Variants in CACNA1B observed in about 807,000 individuals in gnomAD.
CACNA1B encodes the protein voltage-dependent N-type calcium channel subunit alpha-1B.
CACNA1B carries 70 observed loss-of-function variants against 247.2 expected under a neutral mutation model. The ratio of observed to expected loss-of-function variants is 0.28; its 90% CI spans 0.23 to 0.35. CACNA1B has a LOEUF of 0.35. Among genes scored for constraint, CACNA1B ranks in the 10% least tolerant of loss-of-function variants. The pLI, the probability that CACNA1B is intolerant of heterozygous loss-of-function variation, is 1.00. For missense variants in CACNA1B, 2,367 were observed against 3,197.4 expected (o/e 0.74, Z 6.26); for synonymous variants, 1,231 against 1,294.4 (o/e 0.95, Z 1.05).
At chr9:137,932,100 A>G (rs993991215) in intron 6 of CACNA1B, among the ~76,000 whole-genome samples, 5 of 152,208 alleles carry the variant, frequency 3.3e-5, no homozygotes, top group African/African-American at 2.4e-5. Context: ...TCAATTCTGT[A>G]AAGTGACTGC....
At chr9:137,936,975 G>C (rs930184378) in intron 6 of CACNA1B, among the ~76,000 whole-genome samples, 3 of 152,078 alleles carry the variant, frequency 2.0e-5, no homozygotes. Context: ...TCTTTTTTTG[G>C]TTCCATATGA....
rs1308042230 is a variant in CACNA1B at position 137,881,369 on chromosome 9, G to T, written c.391-1375G>T. Among the ~76,000 whole-genome samples the T allele has an allele frequency of 6.6e-6, 1 of 152,158 alleles. No individual in the cohort carries two copies. Among genetic ancestry groups the T allele is most frequent in the African/African-American group, 2.4e-5 (1 of 41,446 alleles). On this transcript the variant is annotated intron_variant, in intron 2 of 46. Transcript: ENST00000371372. This position sits in a 1 kb window ranked among gnomAD's most constrained non-coding sequence, Gnocchi z 4.3. Reference sequence around the variant, plus strand: ...ACAGGAGGAGCCCAGGCTGAGTAAGGTGGGAGTCAGATGCGGAGAGCCCTC... The same window carrying T: ...ACAGGAGGAGCCCAGGCTGAGTAAGTTGGGAGTCAGATGCGGAGAGCCCTC...
At chr9:138,075,973 A>G (rs568073434) in intron 35 of CACNA1B, 63 bp downstream of exon 35, 19 of 1,102,470 alleles carry the variant, frequency 1.7e-5, no homozygotes, top group South Asian at 2.7e-5. Flanking sequence ...TTTACTCAGG[A>G]TGAAGAAGGC....
At chr9:137,930,436 C>T (rs1957595664) in intron 6 of CACNA1B, among the ~76,000 whole-genome samples, 1 of 152,110 alleles carries the variant, frequency 6.6e-6, no homozygotes, top group Non-Finnish European at 1.5e-5. Flanking sequence ...TAGTTTGATT[C>T]TATTGTGGTG....
intron 40 of CACNA1B, 60 bp from the exon 41 acceptor site, chr9:138,114,318 C>T: frequency 2.3e-6 from 2 of 853,028 alleles, no homozygotes; most frequent in South Asian, 1.5e-5. Flanking sequence ...ACTTCCATAC[C>T]TTGTTTCCGT....
chr9:137,892,834 C>A (rs746812802), intron 3 of CACNA1B, among the ~76,000 whole-genome samples: 1 of 152,236 alleles, frequency 6.6e-6, no homozygotes, highest in Admixed American at 6.5e-5. Flanking sequence ...GGGTGGAATT[C>A]GACACTGCAG....
chr9:138,073,615 CG>C lies in CACNA1B; in HGVS notation c.4791+17del. 6 of 1,440,184 alleles carry C rather than the reference CG, an allele frequency of 4.2e-6. No individual in the cohort carries two copies. The highest frequency in any genetic ancestry group is 5.9e-6 in the Non-Finnish European group (6 of 1,021,488). 89.2% of individuals were successfully genotyped at this position (1,440,184 alleles called of 1,614,324 possible). ...GTCCAGTCCTTCAAGGTGGGCCAGG[CG>C]GGGGGCCTCCATGCTTTCTGTCCCC... On this transcript the variant is annotated intron_variant, in intron 33 of 46. Coordinates refer to ENST00000371372, the MANE Select transcript of CACNA1B (RefSeq NM_000718.4). This position sits in a 1 kb window ranked among gnomAD's most constrained non-coding sequence, Gnocchi z 6.4.
At chr9:138,086,704 T>C (rs1240699413) in intron 36 of CACNA1B, among the ~76,000 whole-genome samples, 1 of 151,346 alleles carries the variant, frequency 6.6e-6, no homozygotes, top group African/African-American at 2.4e-5. Flanking sequence ...TCCAGCACAG[T>C]GTCATTTGCG....
intron 10 of CACNA1B, among the ~76,000 whole-genome samples, chr9:137,966,816 G>A (rs1023073190): frequency 5.9e-5 from 9 of 152,174 alleles, no homozygotes; most frequent in African/African-American, 2.2e-4. Flanking sequence ...GGGATTACAG[G>A]CGTGAGCCAC....
chr9:138,054,049 A>C lies in CACNA1B; in HGVS notation c.3968+43A>C. On this transcript the variant is annotated intron_variant, in intron 26 of 46. Coordinates refer to ENST00000371372, the MANE Select transcript of CACNA1B (RefSeq NM_000718.4). This position sits in a 1 kb window ranked among gnomAD's most constrained non-coding sequence, Gnocchi z 4.6. ...GCAAGGTGGGACACACAGCCCCATG[A>C]TGCAGACAACACTGGGAGTTCCCTT... The C allele has an allele frequency of 6.3e-7, 1 of 1,586,332 alleles. No homozygotes were observed. The highest frequency in any genetic ancestry group is 1.1e-5 in the South Asian group (1 of 90,204).
In CACNA1B at chr9:138,121,384, C is replaced by T. The variant is rs1040776336; in HGVS notation, c.6490-85C>T. 267 of 1,085,844 alleles carry T rather than the reference C, an allele frequency of 2.5e-4. No homozygotes were observed. Among genetic ancestry groups the T allele is most frequent in the Non-Finnish European group, 3.2e-4 (245 of 774,398 alleles). 67.3% of individuals were successfully genotyped at this position (1,085,844 alleles called of 1,614,324 possible). A position where few individuals can be genotyped will look rare whatever the true frequency, so the allele number is the denominator to read the frequency against. ...CTCTCTCCTCCCATCCCCCCAGGCA[C>T]CTGTGTGTGATGTGCTCTGTCTGTT... On this transcript the variant is annotated intron_variant, in intron 46 of 46. Coordinates refer to ENST00000371372, the MANE Select transcript of CACNA1B (RefSeq NM_000718.4). This position sits in a 1 kb window ranked among gnomAD's most constrained non-coding sequence, Gnocchi z 6.8.
intron 35 of CACNA1B, among the ~76,000 whole-genome samples, chr9:138,077,332 G>A (rs1475246703): frequency 6.6e-6 from 1 of 152,216 alleles, no homozygotes; most frequent in Non-Finnish European, 1.5e-5. Flanking sequence ...GAGCATCCAG[G>A]GTGGCTGCTC....
In CACNA1B at chr9:137,882,060, G is replaced by A. The variant is rs1457599998; in HGVS notation, c.391-684G>A. On this transcript the variant is annotated intron_variant, in intron 2 of 46. Transcript: ENST00000371372. This position sits in a 1 kb window ranked among gnomAD's most constrained non-coding sequence, Gnocchi z 4.0. ...GGTCCTCACAGATGTGGCGGTCGTC[G>A]CTCAGCACACTCAGGGCTGAGGTTG... 5.3e-5 allele frequency among the ~76,000 whole-genome samples: 8 copies of A among 152,162 alleles called. No individual in the cohort carries two copies. Among genetic ancestry groups the A allele is most frequent in the South Asian group, 4.1e-4 (2 of 4,820 alleles).
In CACNA1B at chr9:138,059,485, T is replaced by C. The variant is rs1353920104; in HGVS notation, c.4585-169T>C. 6.6e-6 allele frequency among the ~76,000 whole-genome samples: 1 copy of C among 152,154 alleles called. No individual in the cohort carries two copies. Among genetic ancestry groups the C allele is most frequent in the Non-Finnish European group, 1.5e-5 (1 of 68,008 alleles). ...GGTATCTGTGTCCCTGGCTTTGACATCTGCTTACCTCTGGCCTTGTGCTGT... is the reference window on the plus strand; with the variant it reads ...GGTATCTGTGTCCCTGGCTTTGACACCTGCTTACCTCTGGCCTTGTGCTGT... On this transcript the variant is annotated intron_variant, in intron 30 of 46. Transcript: ENST00000371372. The surrounding 1 kb of genome is among the most constrained non-coding windows in gnomAD (Gnocchi z 4.2).
intron 3 of CACNA1B, among the ~76,000 whole-genome samples, chr9:137,892,863 G>A (rs1261389319): frequency 6.6e-6 from 1 of 152,268 alleles, no homozygotes; most frequent in African/African-American, 2.4e-5. Flanking sequence ...GCAGAGACTA[G>A]AGACCAGGAG....
intron 15 of CACNA1B, 83 bp from the exon 16 acceptor site, chr9:138,006,684 A>C: frequency 2.6e-6 from 2 of 758,532 alleles, no homozygotes; most frequent in Non-Finnish European, 4.8e-6. Context: ...GTGGCGGTGC[A>C]CATGCACTCA....
chr9:137,982,250 T>C (rs893272994), intron 12 of CACNA1B, among the ~76,000 whole-genome samples: 3 of 152,330 alleles, frequency 2.0e-5, no homozygotes, highest in Admixed American at 2.0e-4. Flanking sequence ...AGCCTCATGC[T>C]CATTATGGCT....
intron 3 of CACNA1B, among the ~76,000 whole-genome samples, chr9:137,902,422 C>T (rs1957250155): frequency 6.6e-6 from 1 of 152,172 alleles, no homozygotes. Flanking sequence ...CCTAAGGCTT[C>T]AGGGCGTAGA....
rs144548442 is a variant in CACNA1B at position 138,119,527 on chromosome 9, T to C, written c.6031-638T>C. 2.9e-3 allele frequency among the ~76,000 whole-genome samples: 438 copies of C among 152,262 alleles called. 2 individuals are homozygous for C. The highest frequency in any genetic ancestry group is 9.7e-3 in the African/African-American group (404 of 41,568). ...TGTGGAGCTGTGGATCTGAACCTCGTCCGTGGCTCGTCTCCCATCCCACTG... is the reference window on the plus strand; with the variant it reads ...TGTGGAGCTGTGGATCTGAACCTCGCCCGTGGCTCGTCTCCCATCCCACTG... On this transcript the variant is annotated intron_variant, in intron 44 of 46. Coordinates refer to ENST00000371372, the MANE Select transcript of CACNA1B (RefSeq NM_000718.4).
Sources: allele counts gnomAD v4.1 joint callset (sites outside exome capture counted in the v4.1 genomes callset), GRCh38; gene constraint gnomAD v4.1.1; non-coding constraint Gnocchi (gnomAD v3.1); transcripts MANE v1.5; gene names NCBI Gene and HGNC (gene_info 2026-07-23, HGNC 2026-07-21).